Variants in SAMD4A observed in about 807,000 individuals in gnomAD.
SAMD4A encodes the protein protein Smaug homolog 1.
Under a neutral mutation model 81.3 loss-of-function variants are expected in SAMD4A, and 33 were observed. The observed-to-expected ratio is 0.41, with a 90% CI of 0.31 to 0.54. The LOEUF is 0.54. Ranked by LOEUF, SAMD4A falls within the 20% of genes least tolerant of loss-of-function variation. SAMD4A has a pLI of 0.37. For missense variants in SAMD4A, 854 were observed against 951.1 expected, an observed-to-expected ratio of 0.90 and a Z score of 1.34; for synonymous variants, 389 against 382.1, an observed-to-expected ratio of 1.02 and a Z score of -0.21.
intron 3 of SAMD4A, among the ~76,000 whole-genome samples, chr14:54,717,286 T>TA (rs2037142205): frequency 6.6e-6 from 1 of 151,386 alleles, no homozygotes; most frequent in Admixed American, 6.6e-5. Flanking sequence ...TACAAAAAAA[T>TA]AAAAAATTAG....
At chr14:54,718,722 G>A (rs1159752404) in intron 3 of SAMD4A, among the ~76,000 whole-genome samples, 1 of 152,078 alleles carries the variant, frequency 6.6e-6, no homozygotes, top group Admixed American at 6.5e-5. Flanking sequence ...CCTGACTTTG[G>A]GCCAGGCACA....
intron 3 of SAMD4A, among the ~76,000 whole-genome samples, chr14:54,709,543 T>C (rs921041136): frequency 6.6e-5 from 10 of 152,058 alleles, no homozygotes; most frequent in Admixed American, 5.9e-4. Flanking sequence ...GAAAAATCTG[T>C]TATGCAGCCT....
At chr14:54,710,330 A>T (rs2036958139) in intron 3 of SAMD4A, among the ~76,000 whole-genome samples, 2 of 152,286 alleles carry the variant, frequency 1.3e-5, no homozygotes, top group South Asian at 4.2e-4. Flanking sequence ...TTTACTATAT[A>T]TTGGGTACTG....
intron 2 of SAMD4A, among the ~76,000 whole-genome samples, chr14:54,690,430 T>C (rs1055382822): frequency 6.8e-5 from 10 of 146,678 alleles, no homozygotes; most frequent in African/African-American, 2.0e-4. Context: ...GACTAAGCTC[T>C]TTTTTTTTTT....
chr14:54,784,614 C>G lies in SAMD4A; in HGVS notation c.2122C>G (p.Leu708Val). 6.2e-7 allele frequency: 1 copy of G among 1,613,920 alleles called. No homozygotes were observed. Among genetic ancestry groups the G allele is most frequent in the Non-Finnish European group, 8.5e-7 (1 of 1,179,792 alleles). Reference protein sequence around the residue: ...SLCLSMTEHALGDGVDRTSTI With the variant: ...SLCLSMTEHAVGDGVDRTSTI ...GTGCCTCAGTATGACCGAACACGCC[C>G]TGGGAGGTGAGTGTGTTCTTCCTGC... The change falls in exon 12 of 13, where the codon CTG becomes GTG. Residue 708 changes from leucine (L) to valine (V), a missense_variant. Coordinates refer to ENST00000554335, the MANE Select transcript of SAMD4A (RefSeq NM_015589.6).
intron 2 of SAMD4A, among the ~76,000 whole-genome samples, chr14:54,649,124 A>G (rs1440687251): frequency 6.6e-6 from 1 of 152,184 alleles, no homozygotes; most frequent in Non-Finnish European, 1.5e-5. Context: ...TCCAAACAAG[A>G]TAAAGTTTTG....
At chr14:54,663,742 C>A (rs2035694880) in intron 2 of SAMD4A, among the ~76,000 whole-genome samples, 2 of 152,142 alleles carry the variant, frequency 1.3e-5, no homozygotes, top group African/African-American at 2.4e-5. Context: ...TTTGGTTGAA[C>A]CTAGGGGAGG....
chr14:54,601,121 G>A (rs1004171721), intron 2 of SAMD4A, among the ~76,000 whole-genome samples: 8 of 152,212 alleles, frequency 5.3e-5, no homozygotes, highest in East Asian at 1.9e-4. Flanking sequence ...CCCTCCTGAC[G>A]AATCCATCTG....
At chr14:54,777,247 T>A (rs2038878930) in intron 11 of SAMD4A, among the ~76,000 whole-genome samples, 1 of 149,774 alleles carries the variant, frequency 6.7e-6, no homozygotes, top group Admixed American at 6.6e-5. Context: ...AGATGTGTTG[T>A]ACCTGTAGGA....
rs745376896 is a variant in SAMD4A at position 54,568,041 on chromosome 14, A to G, written c.125A>G (p.Gln42Arg). The stretch of plus-strand genomic sequence containing the variant: ...AGCCAGACCCAGGCCCGCTTCCTCC[A>G]GCTCTGCCTGGAGCACTCGCTGGCC... The part of the protein sequence containing the change: ...RVSQTQARFL[Q>R]LCLEHSLADC... Residue 42 changes from glutamine (Q) to arginine (R), a missense_variant, in exon 2 of 13, where the codon CAG becomes CGG. Transcript: ENST00000554335. 6.2e-7 allele frequency: 1 copy of G among 1,602,100 alleles called. No homozygotes were observed. Among genetic ancestry groups the G allele is most frequent in the South Asian group, 1.1e-5 (1 of 90,406 alleles).
intron 10 of SAMD4A, 114 bp from the exon 11 acceptor site, chr14:54,776,300 T>TTCTAGAAGTTAG: frequency 8.8e-7 from 1 of 1,136,990 alleles, no homozygotes; most frequent in Non-Finnish European, 1.2e-6. Context: ...CAAGCCCCTT[T>TTCTAGAAGTTAG]TCTAGAAGTT....
intron 3 of SAMD4A, among the ~76,000 whole-genome samples, chr14:54,718,443 C>T (rs2037176224): frequency 6.6e-6 from 1 of 152,204 alleles, no homozygotes; most frequent in African/African-American, 2.4e-5. Flanking sequence ...GAGCAAGAAG[C>T]TTTATACACT....
At chr14:54,640,791 G>A (rs10147092) in intron 2 of SAMD4A, among the ~76,000 whole-genome samples, 2,167 of 152,136 alleles carry the variant, frequency 0.014, 27 homozygotes, top group East Asian at 0.046. Flanking sequence ...CACTGGGCAG[G>A]CCGTGGGGAG....
chr14:54,571,594 AT>A (rs2033130444), intron 2 of SAMD4A, among the ~76,000 whole-genome samples: 1 of 152,248 alleles, frequency 6.6e-6, no homozygotes, highest in African/African-American at 2.4e-5. Context: ...AACCCACAAA[AT>A]ATACACTATT....
intron 11 of SAMD4A, among the ~76,000 whole-genome samples, chr14:54,778,936 C>T (rs1231114914): frequency 6.6e-6 from 1 of 152,248 alleles, no homozygotes; most frequent in Non-Finnish European, 1.5e-5. Context: ...TGAGGTTCCT[C>T]AGCCCTTGCC....
chr14:54,771,577 C>G (rs1362498969), intron 9 of SAMD4A, among the ~76,000 whole-genome samples: 1 of 152,216 alleles, frequency 6.6e-6, no homozygotes, highest in East Asian at 1.9e-4. Context: ...TACCTCTTTG[C>G]CCTGAGGATT....
chr14:54,762,622 T>C (rs4901540), intron 7 of SAMD4A, among the ~76,000 whole-genome samples: 149,026 of 152,222 alleles, frequency 0.98, 73,022 homozygotes, highest in Non-Finnish European at 1. Context: ...CCCTACTTCC[T>C]GAGAGACCCA....
At chr14:54,763,045 C>T (rs1397366046) in intron 7 of SAMD4A, among the ~76,000 whole-genome samples, 5 of 151,652 alleles carry the variant, frequency 3.3e-5, no homozygotes, top group East Asian at 2.0e-4. Flanking sequence ...TTAGTAGAGA[C>T]GGGGTTTCAC....
intron 2 of SAMD4A, among the ~76,000 whole-genome samples, chr14:54,618,975 A>AT (rs1198496115): frequency 1.3e-5 from 2 of 152,186 alleles, no homozygotes; most frequent in Non-Finnish European, 2.9e-5. Context: ...CAAAAATTTG[A>AT]TTTTTTGTAT....
Sources: gnomAD v4.1 joint callset for allele counts (sites outside exome capture counted in the v4.1 genomes callset) on GRCh38, gnomAD v4.1.1 for gene constraint, MANE v1.5 for transcripts, NCBI Gene and HGNC (gene_info 2026-07-23, HGNC 2026-07-21) for gene names.